Variants in ZFHX3 observed in about 807,000 individuals in gnomAD.
ZFHX3 encodes zinc finger homeobox 3.
Under a neutral mutation model 279.1 loss-of-function variants are expected in ZFHX3, and 42 were observed. The ratio of observed to expected loss-of-function variants is 0.15; its 90% CI spans 0.12 to 0.19. The LOEUF (loss-of-function observed/expected upper bound fraction) is 0.19, where lower values mean the gene tolerates loss of function less well. Ranked by LOEUF, ZFHX3 falls within the 10% of genes least tolerant of loss-of-function variation. The pLI is 1.00. For missense variants in ZFHX3, 4,981 were observed against 4,754.0 expected, an observed-to-expected ratio of 1.05 and a Z score of -1.40; for synonymous variants, 2,293 against 1,957.8, an observed-to-expected ratio of 1.17 and a Z score of -4.52.
At chr16:73,321,964 T>A (rs2015583381) in intron 3 of ZFHX3, among the ~76,000 whole-genome samples, 1 of 152,196 alleles carries the variant, frequency 6.6e-6, no homozygotes, top group African/African-American at 2.4e-5. Flanking sequence ...ACAAAGTGTA[T>A]GAAATCGTTA....
intron 8 of ZFHX3, among the ~76,000 whole-genome samples, chr16:73,087,194 C>T (rs1176512032): frequency 1.3e-5 from 2 of 152,140 alleles, no homozygotes; most frequent in East Asian, 3.8e-4. Context: ...GAACACAGTA[C>T]TAGTCCTAAA....
intron 2 of ZFHX3, among the ~76,000 whole-genome samples, chr16:73,671,011 T>C (rs2052899055): frequency 6.6e-6 from 1 of 152,226 alleles, no homozygotes; most frequent in South Asian, 2.1e-4. Context: ...GAAACAGCTA[T>C]GGGCTCCAGG....
chr16:73,857,503 T>C (rs941369708), intron 1 of ZFHX3, among the ~76,000 whole-genome samples: 1 of 152,160 alleles, frequency 6.6e-6, no homozygotes, highest in Admixed American at 6.5e-5. Flanking sequence ...TTAGACCTCC[T>C]TATTACACCA....
In ZFHX3 at chr16:73,715,736, TA is replaced by T. The variant is rs1377762003; in HGVS notation, c.-1607-35497del. ...ACAGGTGCCCGCCACCATGCCCTGC[TA>T]ATTTTTTTGTACTTTTAGTTGAGTC... On this transcript the variant is annotated intron_variant, in intron 1 of 17. Coordinates refer to the ZFHX3 transcript ENST00000641206. 2.0e-5 allele frequency among the ~76,000 whole-genome samples: 3 copies of T among 151,966 alleles called. No homozygotes were observed. The East Asian group carries it at 5.8e-4, about 29-fold the overall frequency.
intron 3 of ZFHX3, among the ~76,000 whole-genome samples, chr16:73,321,058 G>A (rs2015564883): frequency 1.3e-5 from 2 of 152,178 alleles, no homozygotes; most frequent in Non-Finnish European, 1.5e-5. Flanking sequence ...TGGCAGAAAA[G>A]GGGGAAGGCA....
intron 4 of ZFHX3, among the ~76,000 whole-genome samples, chr16:73,313,933 C>A (rs919092576): frequency 1.3e-5 from 2 of 152,072 alleles, no homozygotes; most frequent in African/African-American, 4.8e-5. Flanking sequence ...CGTGGGGAAA[C>A]CCCATTTCTA....
At chr16:73,115,840 C>G (rs1966425757) in intron 7 of ZFHX3, among the ~76,000 whole-genome samples, 1 of 152,088 alleles carries the variant, frequency 6.6e-6, no homozygotes, top group South Asian at 2.1e-4. Context: ...TTGCTCTGGC[C>G]AGGTACAGTG....
At chr16:73,561,669 CAACT>C (rs2020371616) in intron 2 of ZFHX3, among the ~76,000 whole-genome samples, 1 of 151,810 alleles carries the variant, frequency 6.6e-6, no homozygotes, top group Non-Finnish European at 1.5e-5. Flanking sequence ...TTACTGAAGA[CAACT>C]AACTCTCTCC....
At chr16:73,264,397 G>A (rs565211762) in intron 4 of ZFHX3, among the ~76,000 whole-genome samples, 1 of 151,600 alleles carries the variant, frequency 6.6e-6, no homozygotes, top group South Asian at 2.1e-4. Context: ...CCAACTTTAG[G>A]AGTCTTTTCA....
At chr16:73,588,824 C>G (rs1438844805) in intron 2 of ZFHX3, among the ~76,000 whole-genome samples, 1 of 151,394 alleles carries the variant, frequency 6.6e-6, no homozygotes, top group East Asian at 1.9e-4. Context: ...TTCTCTTTAA[C>G]AAATGAACTT....
chr16:73,197,028 C>A (rs561539377), intron 5 of ZFHX3, among the ~76,000 whole-genome samples: 9 of 152,132 alleles, frequency 5.9e-5, no homozygotes, highest in Non-Finnish European at 1.0e-4. Flanking sequence ...GCGTCTTTAC[C>A]ATCTTCTGAT....
At chr16:73,172,172 T>G (rs1967543666) in intron 5 of ZFHX3, among the ~76,000 whole-genome samples, 1 of 152,194 alleles carries the variant, frequency 6.6e-6, no homozygotes, top group African/African-American at 2.4e-5. Flanking sequence ...TGAGAGGTTA[T>G]GGACACTCTG....
At chr16:73,323,917 T>A (rs529082461) in intron 3 of ZFHX3, among the ~76,000 whole-genome samples, 6 of 152,198 alleles carry the variant, frequency 3.9e-5, no homozygotes, top group Non-Finnish European at 8.8e-5. Flanking sequence ...AAAATATCTG[T>A]TTAGGAGCCA....
intron 3 of ZFHX3, among the ~76,000 whole-genome samples, chr16:73,430,369 A>C (rs1393074124): frequency 6.6e-6 from 1 of 152,118 alleles, no homozygotes; most frequent in African/African-American, 2.4e-5. Flanking sequence ...TAAAATTTAA[A>C]TGTATATGGG....
At chr16:73,434,119 G>A (rs945761501) in intron 3 of ZFHX3, among the ~76,000 whole-genome samples, 81 of 152,300 alleles carry the variant, frequency 5.3e-4, no homozygotes, top group African/African-American at 1.9e-3. Context: ...AACACACACT[G>A]TAATTCAGAA....
intron 3 of ZFHX3, among the ~76,000 whole-genome samples, chr16:73,384,027 G>A (rs1246355093): frequency 6.6e-6 from 1 of 152,174 alleles, no homozygotes; most frequent in African/African-American, 2.4e-5. Context: ...GAATGAATGA[G>A]CAGATTATTT....
In ZFHX3 at chr16:73,699,821, C is replaced by A. The variant is rs554957369; in HGVS notation, c.-1607-19581G>T. 2.0e-5 allele frequency among the ~76,000 whole-genome samples: 3 copies of A among 152,256 alleles called. No homozygotes were observed. In the South Asian group the frequency reaches 6.2e-4, roughly 32 times the overall value. On this transcript the variant is annotated intron_variant, in intron 1 of 17. Coordinates refer to the ZFHX3 transcript ENST00000641206. ...ACAATGTAGGGCCACCGTAACAGTT[C>A]CAGTCTGCCTCAAGTTTGGGAGACA... is the stretch of plus-strand genomic sequence containing the variant.
At chr16:72,937,106 T>C (rs1960164197) in intron 3 of ZFHX3, among the ~76,000 whole-genome samples, 1 of 151,636 alleles carries the variant, frequency 6.6e-6, no homozygotes, top group African/African-American at 2.4e-5. Context: ...GGTCACAGAG[T>C]CCTTTCTGCA....
chr16:73,725,115 C>T (rs550403048), intron 1 of ZFHX3, among the ~76,000 whole-genome samples: 18 of 152,254 alleles, frequency 1.2e-4, no homozygotes, highest in African/African-American at 2.6e-4. Flanking sequence ...ACTTTTTAAC[C>T]GGCGTATATT....
Sources: allele counts gnomAD v4.1 joint callset (sites outside exome capture counted in the v4.1 genomes callset), GRCh38; gene constraint gnomAD v4.1.1; transcripts MANE v1.5; gene names NCBI Gene and HGNC (gene_info 2026-07-23, HGNC 2026-07-21).